CDK12: variants seen among roughly 807,000 people sequenced by gnomAD.
The protein encoded by CDK12 is cyclin-dependent kinase 12.
Under a neutral mutation model 133.8 loss-of-function variants are expected in CDK12, and 17 were observed. That is an observed-to-expected ratio of 0.13 (90% CI 0.09 to 0.19). The LOEUF is 0.19. Ranked by LOEUF, CDK12 falls within the 10% of genes least tolerant of loss-of-function variation. The pLI is 1.00. For synonymous variants in CDK12, 694 were observed against 683.6 expected (o/e 1.02, Z -0.24); for missense variants, 1,508 against 1,818.7 (o/e 0.83, Z 3.11).
chr17:39,565,364 T>C (rs2056534176), downstream of CDK12, among the ~76,000 whole-genome samples: 2 of 152,018 alleles, frequency 1.3e-5, no homozygotes, highest in Non-Finnish European at 2.9e-5. Flanking sequence ...TCCGCCCACC[T>C]CAGCCTCCCA....
At chr17:39,558,702 G>A (rs1169546747) in intron 3 of CDK12, among the ~76,000 whole-genome samples, 1 of 152,156 alleles carries the variant, frequency 6.6e-6, no homozygotes, top group African/African-American at 2.4e-5. Flanking sequence ...GGAGTGCAAT[G>A]GTGCAGTCTC....
At position 39,499,753 on chromosome 17, in the gene CDK12, A is replaced by G. The variant is rs150001425; in HGVS notation, c.2420-1497A>G. 6.1e-3 allele frequency among the ~76,000 whole-genome samples: 921 copies of G among 151,666 alleles called. 6 individuals are homozygous for G. The highest frequency in any genetic ancestry group is 9.6e-3 in the Admixed American group (146 of 15,176). The stretch of plus-strand genomic sequence containing the variant: ...GGTCTCGAACTCCTGACCTCAGGCA[A>G]TCCTTCTGCCTTGGCCTCCCAAAGT... On this transcript the variant is annotated intron_variant, in intron 5 of 13. Transcript: ENST00000447079.
At chr17:39,472,261 G>A (rs1332246398) in intron 2 of CDK12, among the ~76,000 whole-genome samples, 1 of 151,938 alleles carries the variant, frequency 6.6e-6, no homozygotes, top group Admixed American at 6.6e-5. Flanking sequence ...TGGGATTACA[G>A]GCATGAGCCA....
chr17:39,514,678 G>A lies in CDK12; in HGVS notation c.2769-1053G>A, dbSNP rs115423290. ...TGAAATAATTTCAATGTATGGAAAA[G>A]TTACAGGAATAGTACAGAAAACTTT... is the stretch of plus-strand genomic sequence containing the variant. On this transcript the variant is annotated intron_variant, in intron 8 of 13. Transcript: ENST00000447079. Among the ~76,000 whole-genome samples the A allele has an allele frequency of 9.3e-3, 1,409 of 152,244 alleles. 19 individuals carry two copies. The highest frequency in any genetic ancestry group is 0.032 in the African/African-American group (1,332 of 41,558).
rs2049802001 is a variant in CDK12, at chr17:39,471,613, C to T, written c.1781C>T (p.Ala594Val). 6.2e-7 allele frequency: 1 copy of T among 1,614,180 alleles called. No homozygotes were observed. Among genetic ancestry groups the T allele is most frequent in the Non-Finnish European group, 8.5e-7 (1 of 1,180,034 alleles). ...LPPSTHSKTS[A>V]VSSQANSQPP... ...CCTTCTACTCACTCAAAGACATCTG[C>T]TGTGTCCTCTCAGGCAAATTCTCAG... is the stretch of plus-strand genomic sequence containing the variant. The change falls in exon 2 of 14, where the codon GCT becomes GTT. Residue 594 changes from alanine to valine, a missense_variant. Coordinates refer to ENST00000447079, the MANE Select transcript of CDK12 (RefSeq NM_016507.4).
intron 9 of CDK12, among the ~76,000 whole-genome samples, chr17:39,516,052 A>AT (rs1172984084): frequency 6.6e-6 from 1 of 152,144 alleles, no homozygotes; most frequent in Non-Finnish European, 1.5e-5. Context: ...AAAGCATACC[A>AT]TTTTGGGGAT....
chr17:39,519,298 CTTTTTTTT>C (rs386386050), intron 10 of CDK12, among the ~76,000 whole-genome samples: 2 of 53,976 alleles, frequency 3.7e-5, no homozygotes, highest in African/African-American at 7.7e-5. Context: ...AATTCAAAGA[CTTTTTTTT>C]TTTTTTTTTT....
chr17:39,535,685 C>T (rs1488533509), downstream of CDK12, among the ~76,000 whole-genome samples: 1 of 152,126 alleles, frequency 6.6e-6, no homozygotes, highest in Non-Finnish European at 1.5e-5. Flanking sequence ...TGTTCAGTAC[C>T]TCAATTTCTT....
rs556347324 is a variant in CDK12, at chr17:39,524,538, C to T, written c.3096-136C>T. 16 of 709,372 alleles carry T rather than the reference C, an allele frequency of 2.3e-5. No individual in the cohort carries two copies. In the East Asian group the frequency reaches 4.3e-4, roughly 19 times the overall value. 43.9% of individuals were successfully genotyped at this position (709,372 alleles called of 1,614,324 possible). ...CACTGCTGTTACCTACTTTTACTAA[C>T]TTTTTTGGTTATTTTTGTTTTCCTT... On this transcript the variant is annotated intron_variant, in intron 11 of 13. Coordinates refer to ENST00000447079, the MANE Select transcript of CDK12 (RefSeq NM_016507.4).
rs180877431 is a variant in CDK12 at position 39,522,581 on chromosome 17, C to T, written c.3096-2093C>T. ...TCCTGAGTAGCTGGATTACAGGAGC[C>T]CGGCACCACAGCTGGCTAATTTTTG... On this transcript the variant is annotated intron_variant, in intron 11 of 13. Coordinates refer to ENST00000447079, the MANE Select transcript of CDK12 (RefSeq NM_016507.4). 6.6e-3 allele frequency among the ~76,000 whole-genome samples: 997 copies of T among 152,082 alleles called. 7 individuals are homozygous for T. The highest frequency in any genetic ancestry group is 0.011 in the South Asian group (54 of 4,820).
chr17:39,483,689 A>AATTT (rs71353589), intron 2 of CDK12, among the ~76,000 whole-genome samples: 7,999 of 148,898 alleles, frequency 0.054, 260 homozygotes, highest in Middle Eastern at 0.12. Flanking sequence ...AAACAGTTAC[A>AATTT]ATTTATTTAT....
In CDK12 at chr17:39,471,535, C is replaced by T. The variant is rs2049795064; in HGVS notation, c.1703C>T (p.Pro568Leu). Residue 568 changes from proline to leucine, a missense_variant, in exon 2 of 14, where the codon CCT becomes CTT. By Grantham distance (98) the Pro-to-Leu change is moderately conservative. This residue lies in a region of CDK12 where 347 missense variants were observed against 330.8 expected (regional missense o/e 1.05). Transcript: ENST00000447079. The stretch of plus-strand genomic sequence containing the variant: ...CTTCCACAGCAACCACCTCTGCCTC[C>T]TTCTCAGCCAGCATTTAGTCAGGTT... ...PALPQQPPLP[P>L]SQPAFSQVPA... The T allele has an allele frequency of 6.2e-7, 1 of 1,613,824 alleles. No individual in the cohort carries two copies. Among genetic ancestry groups the T allele is most frequent in the Non-Finnish European group, 8.5e-7 (1 of 1,179,998 alleles).
intron 2 of CDK12, among the ~76,000 whole-genome samples, chr17:39,485,310 G>C (rs1370343077): frequency 1.3e-5 from 2 of 152,026 alleles, no homozygotes; most frequent in African/African-American, 4.8e-5. Context: ...GATTGGCTGG[G>C]CATGGTGGCT....
At position 39,499,208 on chromosome 17, in the gene CDK12, CT is replaced by C. The variant is rs751699241; in HGVS notation, c.2420-2026del. Among the ~76,000 whole-genome samples the C allele has an allele frequency of 1.3e-3, 16 of 12,440 alleles. 2 individuals carry two copies. The highest frequency in any genetic ancestry group is 1.4e-3 in the Admixed American group (1 of 704). 8.2% of individuals were successfully genotyped at this position (12,440 alleles called of 152,430 possible). The stretch of plus-strand genomic sequence containing the variant: ...CTTTCTTTCTTTCTTTCTTTCTTTC[CT>C]TTTTTTTTTTTTTTTGAGACAGAGT... On this transcript the variant is annotated intron_variant, in intron 5 of 13. Transcript: ENST00000447079.
chr17:39,560,328 T>C (rs2056329241), intron 3 of CDK12, among the ~76,000 whole-genome samples: 1 of 152,240 alleles, frequency 6.6e-6, no homozygotes, highest in African/African-American at 2.4e-5. Flanking sequence ...AGGTTGCCCA[T>C]CAGCAAGGTT....
At chr17:39,510,152 A>G (rs527549810) in intron 7 of CDK12, among the ~76,000 whole-genome samples, 6 of 139,132 alleles carry the variant, frequency 4.3e-5, no homozygotes, top group African/African-American at 8.3e-5. Flanking sequence ...CGGAGTCTCA[A>G]TCTGTCACCT....
In CDK12 at chr17:39,471,602, A is replaced by G. The variant is rs764928501; in HGVS notation, c.1770A>G (p.Ser590=). The G allele has an allele frequency of 1.9e-6, 3 of 1,613,958 alleles. No individual in the cohort carries two copies. Among genetic ancestry groups the G allele is most frequent in the Non-Finnish European group, 2.5e-6 (3 of 1,180,038 alleles). Reference sequence around the variant, plus strand: ...CAACTTTGCCCCCTTCTACTCACTCAAAGACATCTGCTGTGTCCTCTCAGG... The same window carrying G: ...CAACTTTGCCCCCTTCTACTCACTCGAAGACATCTGCTGTGTCCTCTCAGG... ...STSTLPPSTH[S]KTSAVSSQAN... The change falls in exon 2 of 14, where the codon TCA becomes TCG. Residue 590 remains serine, a synonymous_variant. Transcript: ENST00000447079.
downstream of CDK12, among the ~76,000 whole-genome samples, chr17:39,538,878 G>T (rs2055267493): frequency 6.6e-6 from 1 of 151,494 alleles, no homozygotes; most frequent in Admixed American, 6.6e-5. Context: ...CAGCCTAGGC[G>T]ACAGAATGAG....
intron 1 of CDK12, among the ~76,000 whole-genome samples, chr17:39,467,411 T>C (rs928981315): frequency 3.3e-5 from 5 of 152,222 alleles, no homozygotes; most frequent in Non-Finnish European, 5.9e-5. Flanking sequence ...ACATTTGTTT[T>C]TGAAGACATT....
Sources: gnomAD v4.1 joint callset for allele counts (sites outside exome capture counted in the v4.1 genomes callset) on GRCh38, gnomAD v4.1.1 for gene constraint, gnomAD v4.1.1 regional missense constraint, MANE v1.5 for transcripts, NCBI Gene and HGNC (gene_info 2026-07-23, HGNC 2026-07-21) for gene names.